Variants in TTC1 observed in about 807,000 individuals in gnomAD.
TTC1 encodes tetratricopeptide repeat protein 1.
A neutral mutation model predicts 37.6 loss-of-function variants in TTC1; 31 were observed. The observed-to-expected ratio is 0.82, with a 90% CI of 0.62 to 1.11. The LOEUF is 1.11. Ranked by LOEUF, TTC1 falls within the 50% of genes most tolerant of loss-of-function variation. TTC1 has a pLI of 0.00. For synonymous variants in TTC1, 127 were observed against 122.4 expected (o/e 1.04, Z -0.25); for missense variants, 351 against 339.0 (o/e 1.04, Z -0.28).
intron 5 of TTC1, among the ~76,000 whole-genome samples, chr5:160,045,520 A>ACACACACACACACACTCTCTCT (rs1202139318): frequency 1.8e-5 from 1 of 54,884 alleles, no homozygotes; most frequent in Non-Finnish European, 3.3e-5. Flanking sequence ...ACACATACAC[A>ACACACACACACACACTCTCTCT]CTCTCTCTCT....
At chr5:160,010,283 T>C (rs1375068990) in intron 1 of TTC1, among the ~76,000 whole-genome samples, 1 of 138,312 alleles carries the variant, frequency 7.2e-6, no homozygotes, top group East Asian at 2.2e-4. Flanking sequence ...AAAAAAAGAA[T>C]CTGGTACCAG....
At chr5:160,027,715 G>C (rs1756831141) in intron 2 of TTC1, among the ~76,000 whole-genome samples, 1 of 152,122 alleles carries the variant, frequency 6.6e-6, no homozygotes. Context: ...CCTTCATCTT[G>C]AGGTAGTTTT....
chr5:160,012,201 A>G (rs1221569681), intron 2 of TTC1, among the ~76,000 whole-genome samples: 2 of 152,102 alleles, frequency 1.3e-5, no homozygotes, highest in East Asian at 1.9e-4. Flanking sequence ...ACCTTAATAT[A>G]TTTTGCCCTG....
In TTC1 at chr5:160,036,764, G is replaced by T. The variant is rs1757005547; in HGVS notation, c.465G>T (p.Ser155=). ...MCPSCFQKER[S]ILFSNRAAAR... Reference sequence around the variant, plus strand: ...CATCCTGCTTCCAAAAGGAGAGGTCGATTCTATTTTCAAATAGAGCTGCAG... The same window carrying T: ...CATCCTGCTTCCAAAAGGAGAGGTCTATTCTATTTTCAAATAGAGCTGCAG... The change falls in exon 4 of 8, where the codon TCG becomes TCT. Residue 155 remains serine (S), a synonymous_variant. Coordinates refer to ENST00000231238, the MANE Select transcript of TTC1 (RefSeq NM_003314.3). 6.2e-7 allele frequency: 1 copy of T among 1,613,742 alleles called. No homozygotes were observed. The highest frequency in any genetic ancestry group is 1.1e-5 in the South Asian group (1 of 91,084).
At chr5:160,046,811 A>G (rs1462785770) in intron 5 of TTC1, among the ~76,000 whole-genome samples, 2 of 152,198 alleles carry the variant, frequency 1.3e-5, no homozygotes, top group South Asian at 2.1e-4. Context: ...CAGGAGTTTG[A>G]GACCAGCCTG....
intron 1 of TTC1, among the ~76,000 whole-genome samples, chr5:160,010,158 T>C (rs1396301349): frequency 6.7e-6 from 1 of 149,092 alleles, no homozygotes; most frequent in African/African-American, 2.5e-5. Flanking sequence ...CTCGGGAGGC[T>C]GAGGCAGGAG....
intron 4 of TTC1, among the ~76,000 whole-genome samples, chr5:160,037,432 T>G (rs1348433773): frequency 6.6e-6 from 1 of 152,130 alleles, no homozygotes; most frequent in African/African-American, 2.4e-5. Context: ...AAGTTAGATT[T>G]GGGCCAGATG....
In TTC1 at chr5:160,030,978, G is replaced by A. The variant is rs1337767116; in HGVS notation, c.331-4162G>A. 2.6e-5 allele frequency among the ~76,000 whole-genome samples: 4 copies of A among 152,128 alleles called. No individual in the cohort carries two copies. In the South Asian group the frequency reaches 6.2e-4, roughly 24 times the overall value. The stretch of plus-strand genomic sequence containing the variant: ...TGTGAATGCTCCTGGCACCTAGCAC[G>A]CTAAGGAAGACCTATACACTATCTA... On this transcript the variant is annotated intron_variant, in intron 2 of 7. Coordinates refer to ENST00000231238, the MANE Select transcript of TTC1 (RefSeq NM_003314.3).
At chr5:160,063,932 A>G (rs1753513433) in intron 7 of TTC1, among the ~76,000 whole-genome samples, 1 of 148,070 alleles carries the variant, frequency 6.8e-6, no homozygotes, top group Admixed American at 6.7e-5. Context: ...ATGAGTCACC[A>G]TGCTTGGCAA....
intron 2 of TTC1, among the ~76,000 whole-genome samples, chr5:160,018,273 G>A (rs1232723774): frequency 1.3e-5 from 2 of 152,116 alleles, no homozygotes; most frequent in Non-Finnish European, 2.9e-5. Flanking sequence ...CTAGAGCTGT[G>A]CAAAATAAAT....
At chr5:160,064,348 T>G (rs1313073198) in intron 7 of TTC1, among the ~76,000 whole-genome samples, 2 of 152,322 alleles carry the variant, frequency 1.3e-5, no homozygotes, top group Non-Finnish European at 2.9e-5. Flanking sequence ...TTATTGAGGT[T>G]GCTGTGCAAA....
chr5:160,054,247 T>C (rs1220242390), intron 7 of TTC1, among the ~76,000 whole-genome samples: 1 of 152,218 alleles, frequency 6.6e-6, no homozygotes, highest in African/African-American at 2.4e-5. Flanking sequence ...CAGAGCATTT[T>C]TGAGGAGCTA....
intron 2 of TTC1, among the ~76,000 whole-genome samples, chr5:160,027,010 TTTCGGGATTC>T (rs949759000): frequency 2.0e-5 from 3 of 152,032 alleles, no homozygotes; most frequent in African/African-American, 7.2e-5. Flanking sequence ...TACTTTAGTT[TTTCGGGATTC>T]TTTTTTTTTT....
chr5:160,046,021 A>C (rs1228760090), intron 5 of TTC1, among the ~76,000 whole-genome samples: 2 of 152,136 alleles, frequency 1.3e-5, no homozygotes, highest in Admixed American at 6.6e-5. Flanking sequence ...GATTACAGGC[A>C]TGAGCCACTG....
At chr5:160,013,824 G>C (rs1365845433) in intron 2 of TTC1, among the ~76,000 whole-genome samples, 1 of 151,828 alleles carries the variant, frequency 6.6e-6, no homozygotes, top group African/African-American at 2.4e-5. Context: ...GACAAGGAGA[G>C]GATGTTGGAA....
intron 5 of TTC1, among the ~76,000 whole-genome samples, chr5:160,045,454 C>A (rs867835409): frequency 2.3e-3 from 90 of 38,908 alleles, no homozygotes; most frequent in African/African-American, 5.5e-3. Context: ...CCCCCACCCT[C>A]CACACACACA....
At chr5:160,052,548 CAAAAAAAAAAAAAA>C (rs557157232) in intron 7 of TTC1, among the ~76,000 whole-genome samples, 9 of 68,070 alleles carry the variant, frequency 1.3e-4, no homozygotes, top group Non-Finnish European at 1.8e-4. Context: ...TCTATTTTAG[CAAAAAAAAAAAAAA>C]AAAAAAAAAA....
intron 1 of TTC1, 54 bp downstream of exon 1, chr5:160,009,247 A>G (rs1469908218): frequency 6.6e-6 from 1 of 152,234 alleles, no homozygotes; most frequent in African/African-American, 2.4e-5. Context: ...AAGCTAGGGA[A>G]TAATCTGCTG....
intron 2 of TTC1, among the ~76,000 whole-genome samples, chr5:160,032,775 G>A (rs1333765750): frequency 2.9e-5 from 4 of 140,072 alleles, no homozygotes; most frequent in African/African-American, 8.0e-5. Context: ...GTGCAGTGGC[G>A]CGGCCTTGAC....
Sources: gnomAD v4.1 joint callset for allele counts (sites outside exome capture counted in the v4.1 genomes callset) on GRCh38, gnomAD v4.1.1 for gene constraint, MANE v1.5 for transcripts, NCBI Gene and HGNC (gene_info 2026-07-23, HGNC 2026-07-21) for gene names.